The following CSMD1 variants were observed in gnomAD, a reference collection of about 807,000 sequenced individuals.
The protein encoded by CSMD1 is CUB and sushi domain-containing protein 1.
In CSMD1, 213 loss-of-function variants were observed where a neutral mutation model predicts 417.5. The ratio of observed to expected loss-of-function variants is 0.51; its 90% confidence interval spans 0.46 to 0.57. The LOEUF (loss-of-function observed/expected upper bound fraction) is 0.57. Ranked by LOEUF, CSMD1 falls within the 20% of genes least tolerant of loss-of-function variation. The pLI, the probability that CSMD1 is intolerant of heterozygous loss-of-function variation, is 0.00. For synonymous variants in CSMD1, 2,862 were observed against 1,736.8 expected, an observed-to-expected ratio of 1.65 and a Z score of -16.11; for missense variants, 6,923 against 4,529.7, an observed-to-expected ratio of 1.53 and a Z score of -15.17.
At chr8:3,613,793 G>T (rs57540779) in intron 8 of CSMD1, among the ~76,000 whole-genome samples, 14,960 of 150,978 alleles carry the variant, frequency 0.099, 957 homozygotes, top group East Asian at 0.27. Context: ...GGGCATCTAT[G>T]AAAAACCAAC....
At chr8:3,562,389 T>C (rs59878583) in intron 10 of CSMD1, among the ~76,000 whole-genome samples, 1 of 142,542 alleles carries the variant, frequency 7.0e-6, no homozygotes, top group Non-Finnish European at 1.6e-5. Context: ...CACACACACG[T>C]ACACACATGC....
At chr8:2,990,382 C>T (rs894097072) in intron 54 of CSMD1, among the ~76,000 whole-genome samples, 3 of 152,194 alleles carry the variant, frequency 2.0e-5, no homozygotes, top group African/African-American at 7.2e-5. Context: ...GCAAAGCCTC[C>T]TGGTGCTAGA....
At position 4,419,938 on chromosome 8, in the gene CSMD1, C is replaced by A; in HGVS notation, c.415+15G>T. 8.6e-6 allele frequency: 13 copies of A among 1,519,834 alleles called. No homozygotes were observed. The highest frequency in any genetic ancestry group is 1.2e-5 in the Non-Finnish European group (13 of 1,114,328). The allele number at this position is 1,519,834 out of a possible 1,614,324, so 94.1% of individuals were successfully genotyped here. On this transcript the variant is annotated intron_variant, in intron 3 of 69. Coordinates refer to ENST00000635120, the MANE Select transcript of CSMD1 (RefSeq NM_033225.6). The stretch of plus-strand genomic sequence containing the variant: ...GGACAGTGAATGCATGTGCAAAACA[C>A]AACCAATCTCCTACCTTCATATAAT...
At chr8:4,436,340 T>C (rs1026749479) in intron 2 of CSMD1, among the ~76,000 whole-genome samples, 1 of 152,194 alleles carries the variant, frequency 6.6e-6, no homozygotes, top group African/African-American at 2.4e-5. Context: ...TGTCAATCTC[T>C]CCTTCTTGTG....
intron 50 of CSMD1, among the ~76,000 whole-genome samples, chr8:3,049,368 G>A (rs1010120499): frequency 1.3e-5 from 2 of 152,086 alleles, no homozygotes; most frequent in African/African-American, 4.8e-5. Flanking sequence ...AATAAGCCAT[G>A]GTCCATACAG....
intron 23 of CSMD1, among the ~76,000 whole-genome samples, chr8:3,320,672 C>A (rs1001168506): frequency 6.6e-6 from 1 of 152,170 alleles, no homozygotes; most frequent in South Asian, 2.1e-4. Context: ...GAGCGCAGTT[C>A]CTCCTTTTCC....
chr8:4,660,502 T>G (rs1018113937), intron 1 of CSMD1, among the ~76,000 whole-genome samples: 1 of 152,048 alleles, frequency 6.6e-6, no homozygotes, highest in African/African-American at 2.4e-5. Flanking sequence ...ACCCAACTTT[T>G]GCAGATATAG....
chr8:3,471,161 C>A (rs1817073252), intron 11 of CSMD1, among the ~76,000 whole-genome samples: 1 of 152,180 alleles, frequency 6.6e-6, no homozygotes, highest in Admixed American at 6.6e-5. Flanking sequence ...TTTGTATTCT[C>A]AATAGGCATT....
At chr8:3,023,795 A>T (rs1429544956) in intron 51 of CSMD1, among the ~76,000 whole-genome samples, 3 of 151,914 alleles carry the variant, frequency 2.0e-5, no homozygotes, top group Non-Finnish European at 2.9e-5. Flanking sequence ...GTAACTGAAA[A>T]CATTTAATTT....
chr8:4,495,229 T>C (rs941006), intron 2 of CSMD1, among the ~76,000 whole-genome samples: 36,515 of 152,086 alleles, frequency 0.24, 4,575 homozygotes, highest in East Asian at 0.35. Context: ...GGATTAATAA[T>C]GGGAAACTAC....
intron 3 of CSMD1, among the ~76,000 whole-genome samples, chr8:4,170,075 G>C (rs1584950680): frequency 1.3e-5 from 2 of 151,740 alleles, no homozygotes; most frequent in African/African-American, 2.4e-5. Context: ...GGAATTGTGG[G>C]TGAGTCAAAG....
intron 1 of CSMD1, among the ~76,000 whole-genome samples, chr8:4,906,872 T>G (rs946948620): frequency 2.5e-4 from 38 of 152,176 alleles, no homozygotes; most frequent in Non-Finnish European, 4.4e-4. Flanking sequence ...GTTTCTTTTT[T>G]CAAAGTACCT....
chr8:4,086,179 C>T (rs1043110481), intron 3 of CSMD1, among the ~76,000 whole-genome samples: 4 of 152,000 alleles, frequency 2.6e-5, no homozygotes, highest in Admixed American at 2.6e-4. Context: ...AAGTAATTTA[C>T]TCAATAATAA....
At chr8:4,794,741 G>A (rs919315682) in intron 1 of CSMD1, among the ~76,000 whole-genome samples, 1 of 152,190 alleles carries the variant, frequency 6.6e-6, no homozygotes, top group Non-Finnish European at 1.5e-5. Context: ...GCTCTGAACA[G>A]ATTATTGAGC....
intron 45 of CSMD1, 146 bp from the exon 46 acceptor site, chr8:3,106,787 A>T (rs73504560): frequency 0.039 from 20,276 of 517,922 alleles, 1,890 homozygotes; most frequent in African/African-American, 0.26. Context: ...TTAGTCTTTT[A>T]AAAATAATAC....
At chr8:3,316,538 G>C (rs1317421544) in intron 23 of CSMD1, among the ~76,000 whole-genome samples, 1 of 151,484 alleles carries the variant, frequency 6.6e-6, no homozygotes, top group East Asian at 1.9e-4. Context: ...CCTTGCGGGA[G>C]AGGGTTTGAG....
Position 4,977,085 on chromosome 8 carries a change from G to T in CSMD1, c.85+17247C>A, listed in dbSNP as rs78223764. ...TTTTAGTATCAACAGTTATATTGGC[G>T]TTTCTCTCAAGATGGAGCACATTTA... On this transcript the variant is annotated intron_variant, in intron 1 of 69. Transcript: ENST00000635120. Among the ~76,000 whole-genome samples the T allele has an allele frequency of 1.1e-4, 17 of 152,168 alleles. No individual in the cohort carries two copies. The South Asian group carries it at 3.1e-3, about 28-fold the overall frequency.
intron 3 of CSMD1, among the ~76,000 whole-genome samples, chr8:4,065,363 G>C (rs1425321739): frequency 1.3e-5 from 2 of 152,196 alleles, no homozygotes; most frequent in Non-Finnish European, 2.9e-5. Flanking sequence ...GTCATGGATA[G>C]TTAGTAAAAG....
chr8:4,119,429 T>C (rs537748474), intron 3 of CSMD1, among the ~76,000 whole-genome samples: 2 of 152,182 alleles, frequency 1.3e-5, no homozygotes, highest in South Asian at 2.1e-4. Context: ...CACAGGATGA[T>C]ATTGATGTGT....
Sources: allele counts gnomAD v4.1 joint callset (sites outside exome capture counted in the v4.1 genomes callset), GRCh38; gene constraint gnomAD v4.1.1; transcripts MANE v1.5; gene names NCBI Gene and HGNC (gene_info 2026-07-23, HGNC 2026-07-21).